Variants in RFWD3 observed in about 807,000 individuals in gnomAD.
RFWD3 encodes the protein E3 ubiquitin-protein ligase RFWD3.
RFWD3 carries 65 observed loss-of-function variants against 87.7 expected under a neutral mutation model. The observed-to-expected ratio is 0.74, with a 90% CI of 0.61 to 0.91. The LOEUF (loss-of-function observed/expected upper bound fraction) is 0.91. RFWD3 is among the 40% of genes least tolerant of loss of function. The pLI is 0.00. For synonymous variants in RFWD3, 433 were observed against 352.8 expected, an observed-to-expected ratio of 1.23 and a Z score of -2.55; for missense variants, 1,078 against 938.5, an observed-to-expected ratio of 1.15 and a Z score of -1.94.
intron 12 of RFWD3, among the ~76,000 whole-genome samples, chr16:74,624,418 G>A (rs1328396379): frequency 1.3e-5 from 2 of 152,078 alleles, no homozygotes; most frequent in African/African-American, 4.8e-5. Flanking sequence ...TCTTTGAGAC[G>A]GAGTCTCACT....
Position 74,661,229 on chromosome 16 carries a change from G to A in RFWD3, c.221C>T (p.Pro74Leu), listed in dbSNP as rs201194562. 1.0e-4 allele frequency: 168 copies of A among 1,614,066 alleles called. 1 individual carries two copies. The highest frequency in any genetic ancestry group is 8.0e-5 in the African/African-American group (6 of 74,936). The change falls in exon 2 of 13, where the codon CCG (proline) becomes CTG (leucine). Residue 74 changes from proline to leucine, a missense_variant. Physicochemically the swap from Pro to Leu is moderately conservative, Grantham distance 98. Coordinates refer to ENST00000361070, the MANE Select transcript of RFWD3 (RefSeq NM_018124.4). ...QATPPLLQPA[P>L]QLSVDLTEVE... ...TTCTGTCAGGTCAACAGACAGTTGC[G>A]GAGCAGGCTGGAGCAGGGGTGGTGT...
chr16:74,632,926 C>G (rs897228855), intron 8 of RFWD3, among the ~76,000 whole-genome samples: 1 of 152,142 alleles, frequency 6.6e-6, no homozygotes, highest in Non-Finnish European at 1.5e-5. Context: ...CTCAGCCTCC[C>G]AAAGTGCTGG....
At chr16:74,637,132 A>AAC (rs1266120224) in intron 7 of RFWD3, among the ~76,000 whole-genome samples, 3 of 149,764 alleles carry the variant, frequency 2.0e-5, no homozygotes, top group South Asian at 2.1e-4. Context: ...TAAAAAAAAA[A>AAC]AAAAAAAAAA....
chr16:74,632,546 T>C lies in RFWD3; in HGVS notation c.1554A>G (p.Leu518=). 1 of 1,613,994 alleles carries C rather than the reference T, an allele frequency of 6.2e-7. No homozygotes were observed. Among genetic ancestry groups the C allele is most frequent in the Non-Finnish European group, 8.5e-7 (1 of 1,179,900 alleles). ...ACCTGGTCAGTTTAATAGTGTTGTC[T>C]AGGGAAGCAGAGAGTAGCAAGCCTC... The part of the protein sequence containing the change: ...YLRGLLLSAS[L]DNTIKLTSLE... Residue 518 remains leucine (L), a synonymous_variant, in exon 9 of 13, where the codon CTA becomes CTG. Transcript: ENST00000361070.
At chr16:74,644,887 T>G in intron 4 of RFWD3, 152 bp from the exon 5 acceptor site, 1 of 658,932 alleles carries the variant, frequency 1.5e-6, no homozygotes, top group Non-Finnish European at 2.5e-6. Flanking sequence ...CACTTGTCAT[T>G]CTTTCTAGAA....
chr16:74,632,525 G>T lies in RFWD3; in HGVS notation c.1575C>A (p.Thr525=). 6.2e-7 allele frequency: 1 copy of T among 1,613,770 alleles called. No homozygotes were observed. The stretch of plus-strand genomic sequence containing the variant: ...ACCTACTTCCCCAAATCACTCACCT[G>T]GTCAGTTTAATAGTGTTGTCTAGGG... The part of the protein sequence containing the change: ...SASLDNTIKL[T]SLETNTVVQT... Residue 525 remains threonine (T), a splice_region_variant and synonymous_variant, in exon 9 of 13, where the codon ACC becomes ACA. Coordinates refer to ENST00000361070, the MANE Select transcript of RFWD3 (RefSeq NM_018124.4).
At chr16:74,627,846 A>G (rs1036244260) in intron 11 of RFWD3, among the ~76,000 whole-genome samples, 6 of 152,236 alleles carry the variant, frequency 3.9e-5, no homozygotes, top group African/African-American at 1.4e-4. Flanking sequence ...CTCTCCTGAC[A>G]GAGACCTCAA....
chr16:74,634,778 C>A (rs1230428942), intron 8 of RFWD3, among the ~76,000 whole-genome samples: 2 of 150,308 alleles, frequency 1.3e-5, no homozygotes, highest in African/African-American at 2.4e-5. Flanking sequence ...ACTGTACTTT[C>A]TTCTAGCAGA....
chr16:74,637,742 A>G, intron 7 of RFWD3, 114 bp downstream of exon 7: 3 of 724,472 alleles, frequency 4.1e-6, no homozygotes, highest in East Asian at 2.8e-5. Context: ...GGTCATGTTC[A>G]TTTCCTAAAC....
chr16:74,644,586 C>G lies in RFWD3; in HGVS notation c.942G>C (p.Arg314Ser). Residue 314 changes from arginine (R) to serine (S), a missense_variant, in exon 5 of 13, where the codon AGG (arginine) becomes AGC (serine). Transcript: ENST00000361070. ...ALRCGHLFGY[R>S]CISTWLKGQV... is the part of the protein sequence containing the mutation. ...GTCCTTTAAGCCACGTGGAAATGCA[C>G]CTATACCCAAAGAGATGCCCACAGC... 1.9e-6 allele frequency: 3 copies of G among 1,614,184 alleles called. No homozygotes were observed. In the South Asian group the frequency reaches 3.3e-5, roughly 18 times the overall value.
At position 74,644,609 on chromosome 16, in the gene RFWD3, A is replaced by G; in HGVS notation, c.919T>C (p.Cys307Arg). ...AGDHRLSALR[C>R]GHLFGYRCIS... ...CACCTATACCCAAAGAGATGCCCACAGCGTAATGCTGAGAGCCGGTGGTCC... is the reference window on the plus strand; with the variant it reads ...CACCTATACCCAAAGAGATGCCCACGGCGTAATGCTGAGAGCCGGTGGTCC... Residue 307 changes from cysteine (C) to arginine (R), a missense_variant, in exon 5 of 13, where the codon TGT becomes CGT. Cys to Arg is a radical substitution (Grantham distance 180, BLOSUM62 -3). Transcript: ENST00000361070. The G allele has an allele frequency of 6.2e-7, 1 of 1,614,220 alleles. No individual in the cohort carries two copies. Among genetic ancestry groups the G allele is most frequent in the South Asian group, 1.1e-5 (1 of 91,086 alleles).
chr16:74,653,443 T>A (rs534439663), intron 2 of RFWD3, among the ~76,000 whole-genome samples: 65 of 151,328 alleles, frequency 4.3e-4, no homozygotes, highest in South Asian at 1.7e-3. Context: ...GAGCTATGGT[T>A]GTGCTACTGC....
At chr16:74,646,300 C>T (rs990149543) in intron 4 of RFWD3, among the ~76,000 whole-genome samples, 4 of 152,092 alleles carry the variant, frequency 2.6e-5, no homozygotes, top group Admixed American at 6.6e-5. Flanking sequence ...CACCTGAGCC[C>T]GGGATATTGA....
Position 74,656,933 on chromosome 16 carries a change from T to C in RFWD3, c.518+3999A>G, listed in dbSNP as rs117584672. On this transcript the variant is annotated intron_variant, in intron 2 of 12. Coordinates refer to ENST00000361070, the MANE Select transcript of RFWD3 (RefSeq NM_018124.4). ...GATGTGCTAGAAACAGCAAGAGAAC[T>C]AGACTTAGAAGATGTGACTGAATTG... 6.8e-3 allele frequency among the ~76,000 whole-genome samples: 1,029 copies of C among 152,344 alleles called. 3 individuals carry two copies. The highest frequency in any genetic ancestry group is 0.015 in the East Asian group (78 of 5,190).
At chr16:74,628,230 C>T (rs567245252) in intron 11 of RFWD3, among the ~76,000 whole-genome samples, 8 of 152,104 alleles carry the variant, frequency 5.3e-5, no homozygotes, top group Non-Finnish European at 7.4e-5. Context: ...TCCAGGAGTA[C>T]CTGGCAGAAT....
At chr16:74,637,199 G>C (rs1959226203) in intron 7 of RFWD3, among the ~76,000 whole-genome samples, 1 of 151,328 alleles carries the variant, frequency 6.6e-6, no homozygotes, top group Non-Finnish European at 1.5e-5. Context: ...CCAGGCTGGA[G>C]TGCAGTAGTG....
intron 2 of RFWD3, among the ~76,000 whole-genome samples, chr16:74,652,724 T>C (rs896771470): frequency 3.9e-5 from 6 of 152,200 alleles, no homozygotes; most frequent in African/African-American, 1.2e-4. Context: ...ACTCCAAATA[T>C]ATCTTGGCTG....
chr16:74,626,630 G>T (rs926048951), intron 11 of RFWD3, 76 bp from the exon 12 acceptor site: 1 of 1,135,704 alleles, frequency 8.8e-7, no homozygotes. Context: ...AACCTCACAC[G>T]CTTACAACCT....
chr16:74,644,262 A>C, intron 6 of RFWD3, 100 bp downstream of exon 6: 3 of 1,098,254 alleles, frequency 2.7e-6, no homozygotes, highest in Non-Finnish European at 4.2e-6. Context: ...GTCACAGGTC[A>C]AGTAAAACCT....
Sources: allele counts gnomAD v4.1 joint callset (sites outside exome capture counted in the v4.1 genomes callset), GRCh38; gene constraint gnomAD v4.1.1; transcripts MANE v1.5; gene names NCBI Gene and HGNC (gene_info 2026-07-23, HGNC 2026-07-21).